PCDHGA3: variants seen among roughly 807,000 people sequenced by gnomAD.
The protein encoded by PCDHGA3 is protocadherin gamma-A3.
Under a neutral mutation model 58.5 loss-of-function variants are expected in PCDHGA3, and 40 were observed. The observed-to-expected ratio is 0.68, with a 90% CI of 0.53 to 0.89. The LOEUF is 0.89. PCDHGA3 is among the 40% of genes least tolerant of loss of function. PCDHGA3 has a pLI of 0.00. For synonymous variants in PCDHGA3, 530 were observed against 525.7 expected (o/e 1.01, Z -0.11); for missense variants, 1,223 against 1,195.9 (o/e 1.02, Z -0.33).
chr5:141,431,408 G>A lies in PCDHGA3; in HGVS notation c.2425-63399G>A. ...CCACCTGGTCCTTACGGCCTCCGAC[G>A]GGGGCGACCCGGTGCGCACAGGCAC... On this transcript the variant is annotated intron_variant, in intron 1 of 3. Transcript: ENST00000253812. The surrounding 1 kb of genome is among the most constrained non-coding windows in gnomAD (Gnocchi z 4.8). 6.2e-7 allele frequency: 1 copy of A among 1,613,718 alleles called. No individual in the cohort carries two copies. The highest frequency in any genetic ancestry group is 2.2e-5 in the East Asian group (1 of 44,882).
chr5:141,372,534 C>A (rs752225423), intron 1 of PCDHGA3: 49 of 1,613,884 alleles, frequency 3.0e-5, no homozygotes, highest in Non-Finnish European at 4.0e-5. Context: ...AATCTCCCTG[C>A]GCCTGCGATG....
chr5:141,475,820 C>T (rs890721743), intron 1 of PCDHGA3: 2 of 351,808 alleles, frequency 5.7e-6, no homozygotes, highest in African/African-American at 2.1e-5. Context: ...AAGTTCCTGG[C>T]GCTAGCGCGT....
In PCDHGA3 at chr5:141,344,667, C is replaced by G. The variant is rs1261447626; in HGVS notation, c.634C>G (p.Leu212Val). The G allele has an allele frequency of 6.2e-7, 1 of 1,613,862 alleles. No homozygotes were observed. The highest frequency in any genetic ancestry group is 8.5e-7 in the Non-Finnish European group (1 of 1,179,910). Residue 212 changes from leucine (L) to valine (V), a missense_variant, in exon 1 of 4, where the codon CTG (leucine) becomes GTG (valine). Physicochemically the swap from Leu to Val is conservative, Grantham distance 32. Around this residue, in one of 3 missense-constraint regions of PCDHGA3, gnomAD observed 791 missense variants for 708.5 expected, o/e 1.12. Transcript: ENST00000253812. ...GAAAAAAGAAATTCACCAGCTTGTCCTGGTTGCCTCTGATGGTGGCGACCC... is the reference window on the plus strand; with the variant it reads ...GAAAAAAGAAATTCACCAGCTTGTCGTGGTTGCCTCTGATGGTGGCGACCC... ...REKKEIHQLV[L>V]VASDGGDPVH...
chr5:141,374,202 A>G, intron 1 of PCDHGA3: 1 of 1,613,868 alleles, frequency 6.2e-7, no homozygotes, highest in Non-Finnish European at 8.5e-7. Context: ...GAGGAGCTGG[A>G]GAAAGGCTCC....
At chr5:141,370,916 T>G in intron 1 of PCDHGA3, 1 of 1,614,016 alleles carries the variant, frequency 6.2e-7, no homozygotes, top group Non-Finnish European at 8.5e-7. Context: ...ACCTCAGCCC[T>G]GATCCGCACT....
At chr5:141,365,022 C>G in intron 1 of PCDHGA3, 1 of 1,613,864 alleles carries the variant, frequency 6.2e-7, no homozygotes. Context: ...ATCCGTGTTA[C>G]GGTCCTCGAC....
Position 141,489,407 on chromosome 5 carries a change from T to C in PCDHGA3, c.2425-5400T>C. On this transcript the variant is annotated intron_variant, in intron 1 of 3. Transcript: ENST00000253812. This position sits in a 1 kb window ranked among gnomAD's most constrained non-coding sequence, Gnocchi z 4.5. ...GTTGCTCAGGATCTGGGCTTAAAGA[T>C]GACAGATCTGTTGAGCCGGCGGCTG... 6.2e-7 allele frequency: 1 copy of C among 1,614,140 alleles called. No individual in the cohort carries two copies.
intron 1 of PCDHGA3, among the ~76,000 whole-genome samples, chr5:141,400,891 A>G (rs1266926061): frequency 6.6e-6 from 1 of 152,222 alleles, no homozygotes; most frequent in African/African-American, 2.4e-5. Context: ...GTATGTAATC[A>G]TTTAATTCAT....
chr5:141,452,884 A>C (rs746547069), intron 1 of PCDHGA3, among the ~76,000 whole-genome samples: 1 of 152,204 alleles, frequency 6.6e-6, no homozygotes, highest in Non-Finnish European at 1.5e-5. Flanking sequence ...GTAATAATTT[A>C]TTCCACTTTT....
intron 1 of PCDHGA3, among the ~76,000 whole-genome samples, chr5:141,405,770 G>C (rs989163026): frequency 1.3e-5 from 2 of 152,032 alleles, no homozygotes; most frequent in East Asian, 3.9e-4. Context: ...GAGCCACTGC[G>C]CCTGGCCCTT....
At chr5:141,386,934 T>C (rs568938502) in intron 1 of PCDHGA3, among the ~76,000 whole-genome samples, 1 of 152,316 alleles carries the variant, frequency 6.6e-6, no homozygotes, top group Non-Finnish European at 1.5e-5. Flanking sequence ...AGTGCAGAGG[T>C]AGGAAGCAGT....
At chr5:141,379,767 A>G (rs1366813038) in intron 1 of PCDHGA3, 3 of 152,120 alleles carry the variant, frequency 2.0e-5, no homozygotes, top group Non-Finnish European at 4.4e-5. Context: ...CCTGCAATAC[A>G]GATCATTAAT....
intron 1 of PCDHGA3, chr5:141,409,139 GA>G: frequency 1.9e-6 from 3 of 1,614,012 alleles, no homozygotes; most frequent in Non-Finnish European, 2.5e-6. Context: ...TGAAGATGTA[GA>G]AAGGTACACC....
At chr5:141,349,688 G>A (rs542039698) in intron 1 of PCDHGA3, among the ~76,000 whole-genome samples, 21 of 151,828 alleles carry the variant, frequency 1.4e-4, no homozygotes, top group African/African-American at 4.8e-4. Context: ...TTACAGAAAG[G>A]TAGGTATTTT....
In PCDHGA3 at chr5:141,486,077, C is replaced by T; in HGVS notation, c.2425-8730C>T. 6.2e-7 allele frequency: 1 copy of T among 1,614,186 alleles called. No individual in the cohort carries two copies. The highest frequency in any genetic ancestry group is 8.5e-7 in the Non-Finnish European group (1 of 1,180,024). ...TAGCCTGCACCCCACTACTGGAAAG[C>T]TTACTCTTTTGGGGCCCCTAGACTT... On this transcript the variant is annotated intron_variant, in intron 1 of 3. Coordinates refer to ENST00000253812, the MANE Select transcript of PCDHGA3 (RefSeq NM_018916.4). The surrounding 1 kb of genome is among the most constrained non-coding windows in gnomAD (Gnocchi z 5.0).
rs71576115 is a variant in PCDHGA3, at chr5:141,463,438, CTTTT to C, written c.2425-31344_2425-31341del. Among the ~76,000 whole-genome samples, 12 of 103,242 alleles carry C rather than the reference CTTTT, an allele frequency of 1.2e-4. No homozygotes were observed. In the South Asian group the frequency reaches 1.6e-3, roughly 14 times the overall value. 67.7% of individuals were successfully genotyped at this position (103,242 alleles called of 152,430 possible). ...GTTTGCGGATCCTCATTTCCTTCTCCTTTTTTTTTTTTTTTTTTTTTTTTTTTTG... is the reference window on the plus strand; with the variant it reads ...GTTTGCGGATCCTCATTTCCTTCTCCTTTTTTTTTTTTTTTTTTTTTTTTG... On this transcript the variant is annotated intron_variant, in intron 1 of 3. Coordinates refer to ENST00000253812, the MANE Select transcript of PCDHGA3 (RefSeq NM_018916.4).
In PCDHGA3 at chr5:141,489,750, C is replaced by A. The variant is rs753217170; in HGVS notation, c.2425-5057C>A. 1 of 1,614,098 alleles carries A rather than the reference C, an allele frequency of 6.2e-7. No individual in the cohort carries two copies. The highest frequency in any genetic ancestry group is 1.1e-5 in the South Asian group (1 of 91,080). Reference sequence around the variant, plus strand: ...TGGGCACCAATACTGTGAGCTTTTACACTCTAAGCCCCAACAGCCACTTCT... The same window carrying A: ...TGGGCACCAATACTGTGAGCTTTTAAACTCTAAGCCCCAACAGCCACTTCT... On this transcript the variant is annotated intron_variant, in intron 1 of 3. Coordinates refer to ENST00000253812, the MANE Select transcript of PCDHGA3 (RefSeq NM_018916.4). This position sits in a 1 kb window ranked among gnomAD's most constrained non-coding sequence, Gnocchi z 4.5.
At chr5:141,351,406 T>G in intron 1 of PCDHGA3, 1 of 1,611,514 alleles carries the variant, frequency 6.2e-7, no homozygotes. Flanking sequence ...CATGCTATAC[T>G]CAGGAAGAAG....
rs1759714741 is a variant in PCDHGA3, at chr5:141,355,099, TG to T, written c.2424+8644del. On this transcript the variant is annotated intron_variant, in intron 1 of 3. Coordinates refer to ENST00000253812, the MANE Select transcript of PCDHGA3 (RefSeq NM_018916.4). ...CTTCAAGCGGAAGCCCTGAGAGCTC[TG>T]GCTGTGAATGCACTTTATTTTGGAC... 41 of 1,497,568 alleles carry T rather than the reference TG, an allele frequency of 2.7e-5. No individual in the cohort carries two copies. In the South Asian group the frequency reaches 5.5e-4, roughly 20 times the overall value. The allele number at this position is 1,497,568 out of a possible 1,614,324, so 92.8% of individuals were successfully genotyped here. A position where few individuals can be genotyped will look rare whatever the true frequency, so the allele number is the denominator to read the frequency against.
Sources: gnomAD v4.1 joint callset for allele counts (sites outside exome capture counted in the v4.1 genomes callset) on GRCh38, gnomAD v4.1.1 for gene constraint, gnomAD v4.1.1 regional missense constraint, Gnocchi (gnomAD v3.1) non-coding constraint, MANE v1.5 for transcripts, NCBI Gene and HGNC (gene_info 2026-07-23, HGNC 2026-07-21) for gene names.